The following WAC variants were observed in gnomAD, a reference collection of about 807,000 sequenced individuals.
WAC encodes the protein WW domain containing adaptor with coiled-coil.
Under a neutral mutation model 79.6 loss-of-function variants are expected in WAC, and 11 were observed. The observed-to-expected ratio is 0.14, with a 90% confidence interval of 0.09 to 0.23. The LOEUF is 0.23. WAC is among the 10% of genes least tolerant of loss of function. The pLI is 1.00. For synonymous variants in WAC, 304 were observed against 276.9 expected (o/e 1.10, Z -0.97); for missense variants, 728 against 773.5 (o/e 0.94, Z 0.70).
At chr10:28,611,134 A>G (rs1841220586) in intron 9 of WAC, 2 of 639,568 alleles carry the variant, frequency 3.1e-6, no homozygotes, top group South Asian at 1.9e-5. Context: ...GTAAACTATG[A>G]TGTGCCATAT....
intron 3 of WAC, among the ~76,000 whole-genome samples, chr10:28,573,294 AT>A (rs1188876329): frequency 6.6e-6 from 1 of 151,888 alleles, no homozygotes; most frequent in Non-Finnish European, 1.5e-5. Flanking sequence ...AGTCACTTTC[AT>A]TTTTTCTTCT....
At chr10:28,550,166 CAAA>C (rs5784070) in intron 3 of WAC, among the ~76,000 whole-genome samples, 1 of 141,224 alleles carries the variant, frequency 7.1e-6, no homozygotes. Flanking sequence ...GACTCAGTCT[CAAA>C]AAAAAAAAAA....
intron 2 of WAC, 60 bp downstream of exon 2, chr10:28,534,094 G>A: frequency 6.7e-7 from 1 of 1,499,952 alleles, no homozygotes. Flanking sequence ...GGGAGGGACT[G>A]CTACTCGAGC....
At chr10:28,561,784 A>G (rs1450329696) in intron 3 of WAC, among the ~76,000 whole-genome samples, 1 of 152,196 alleles carries the variant, frequency 6.6e-6, no homozygotes, top group Non-Finnish European at 1.5e-5. Context: ...CAGCCACGGC[A>G]TTAGATTCTC....
At chr10:28,596,323 T>G (rs1840361099) in intron 7 of WAC, among the ~76,000 whole-genome samples, 1 of 152,246 alleles carries the variant, frequency 6.6e-6, no homozygotes, top group Admixed American at 6.5e-5. Flanking sequence ...GTCAAGTAAC[T>G]GTCTCTTCAA....
chr10:28,559,460 G>A (rs1162177907), intron 3 of WAC, among the ~76,000 whole-genome samples: 1 of 152,076 alleles, frequency 6.6e-6, no homozygotes, highest in Non-Finnish European at 1.5e-5. Context: ...AAGGAGTAAC[G>A]AGTTGACCTA....
intron 2 of WAC, among the ~76,000 whole-genome samples, chr10:28,534,851 ATTAAACT>A (rs1180529053): frequency 6.6e-6 from 1 of 152,260 alleles, no homozygotes; most frequent in East Asian, 1.9e-4. Flanking sequence ...TATGTCAAAA[ATTAAACT>A]TTACTGAATC....
At chr10:28,536,702 G>A (rs112242917) in intron 3 of WAC, among the ~76,000 whole-genome samples, 5 of 152,280 alleles carry the variant, frequency 3.3e-5, no homozygotes, top group African/African-American at 9.6e-5. Context: ...TGTGGTAGGA[G>A]TCTGAGAATA....
intron 3 of WAC, among the ~76,000 whole-genome samples, chr10:28,548,210 C>T (rs1175369430): frequency 1.3e-5 from 2 of 152,042 alleles, no homozygotes; most frequent in Admixed American, 1.3e-4. Flanking sequence ...AGGAGTGAGC[C>T]ACCACGCCCG....
intron 13 of WAC, 130 bp downstream of exon 13, chr10:28,617,914 A>C (rs1841542742): frequency 1.9e-6 from 2 of 1,072,380 alleles, no homozygotes; most frequent in Non-Finnish European, 1.3e-6. Flanking sequence ...ACATTCTATC[A>C]CTGCATTTTC....
intron 3 of WAC, among the ~76,000 whole-genome samples, chr10:28,546,917 G>C (rs1434202162): frequency 1.3e-5 from 2 of 150,920 alleles, no homozygotes; most frequent in African/African-American, 4.9e-5. Flanking sequence ...AAATCTAAAT[G>C]AATCAGTTTT....
chr10:28,591,250 CTTGT>C (rs1840069133), intron 6 of WAC: 3 of 164,584 alleles, frequency 1.8e-5, no homozygotes, highest in African/African-American at 7.2e-5. Context: ...AGAATAGCTA[CTTGT>C]TTTTTTATGT....
At chr10:28,541,800 T>A (rs1837066507) in intron 3 of WAC, among the ~76,000 whole-genome samples, 1 of 152,070 alleles carries the variant, frequency 6.6e-6, no homozygotes, top group Non-Finnish European at 1.5e-5. Context: ...TATAACTAAT[T>A]CTCACTATTT....
chr10:28,538,577 G>A (rs1242916392), intron 3 of WAC, among the ~76,000 whole-genome samples: 2 of 84,068 alleles, frequency 2.4e-5, no homozygotes, highest in Non-Finnish European at 4.4e-5. Context: ...TTGAGACCCT[G>A]TCTCAAAAAA....
At chr10:28,603,555 A>T (rs1840744379) in intron 7 of WAC, among the ~76,000 whole-genome samples, 1 of 152,190 alleles carries the variant, frequency 6.6e-6, no homozygotes, top group Non-Finnish European at 1.5e-5. Context: ...GCAAACATGT[A>T]AAACATGTTA....
At chr10:28,592,333 G>A (rs567763604) in intron 6 of WAC, among the ~76,000 whole-genome samples, 114 of 152,272 alleles carry the variant, frequency 7.5e-4, no homozygotes, top group African/African-American at 2.7e-3. Flanking sequence ...CAGAAAATGA[G>A]TGACAGATGG....
intron 3 of WAC, among the ~76,000 whole-genome samples, chr10:28,555,558 G>A (rs1365091194): frequency 6.6e-6 from 1 of 152,186 alleles, no homozygotes; most frequent in Non-Finnish European, 1.5e-5. Flanking sequence ...TCATAGCAAG[G>A]AGTAGTGTAG....
chr10:28,595,941 T>C lies in WAC; in HGVS notation c.819T>C (p.Asp273=), dbSNP rs748667458. Residue 273 remains aspartate, a synonymous_variant, in exon 7 of 14, where the codon GAT becomes GAC. Coordinates refer to ENST00000354911, the MANE Select transcript of WAC (RefSeq NM_016628.5). Reference sequence around the variant, plus strand: ...CTAGTCCATTTACGCTACAGTCTGATCACCAGCCAAAGAAATCATTTGATG... The same window carrying C: ...CTAGTCCATTTACGCTACAGTCTGACCACCAGCCAAAGAAATCATTTGATG... ...VPSSPFTLQS[D]HQPKKSFDAN... 55 of 1,614,056 alleles carry C rather than the reference T, an allele frequency of 3.4e-5. No individual in the cohort carries two copies. Among genetic ancestry groups the C allele is most frequent in the Middle Eastern group, 1.6e-4 (1 of 6,084 alleles).
intron 13 of WAC, among the ~76,000 whole-genome samples, chr10:28,619,204 C>T (rs1478030228): frequency 6.6e-6 from 1 of 152,092 alleles, no homozygotes; most frequent in Non-Finnish European, 1.5e-5. Context: ...TGCTTGAACC[C>T]GGGAGGCGGA....
Sources: gnomAD v4.1 joint callset for allele counts (sites outside exome capture counted in the v4.1 genomes callset) on GRCh38, gnomAD v4.1.1 for gene constraint, MANE v1.5 for transcripts, NCBI Gene and HGNC (gene_info 2026-07-23, HGNC 2026-07-21) for gene names.